Variants in PRKCQ observed in about 807,000 individuals in gnomAD.
PRKCQ encodes the protein protein kinase C theta.
A neutral mutation model predicts 91.2 loss-of-function variants in PRKCQ; 41 were observed. The observed-to-expected ratio is 0.45, with a 90% CI of 0.35 to 0.58. The LOEUF (loss-of-function observed/expected upper bound fraction) is 0.58, where lower values mean the gene tolerates loss of function less well. Among genes scored for constraint, PRKCQ ranks in the 20% least tolerant of loss-of-function variants. PRKCQ has a pLI of 0.00. For synonymous variants in PRKCQ, 307 were observed against 316.9 expected (o/e 0.97, Z 0.33); for missense variants, 673 against 896.5 (o/e 0.75, Z 3.18).
intron 2 of PRKCQ, among the ~76,000 whole-genome samples, chr10:6,511,639 A>T (rs908538502): frequency 6.6e-6 from 1 of 152,208 alleles, no homozygotes; most frequent in African/African-American, 2.4e-5. Context: ...ATAGCAGGGA[A>T]GAAATGTAAC....
At chr10:6,509,245 T>C (rs1405322180) in intron 3 of PRKCQ, among the ~76,000 whole-genome samples, 1 of 152,194 alleles carries the variant, frequency 6.6e-6, no homozygotes, top group Non-Finnish European at 1.5e-5. Flanking sequence ...AGAAATCATA[T>C]GCAACTTGAA....
At chr10:6,464,523 C>A in intron 12 of PRKCQ, 119 bp from the exon 13 acceptor site, 2 of 774,242 alleles carry the variant, frequency 2.6e-6, no homozygotes, top group Admixed American at 2.5e-5. Context: ...GATCTCGGGT[C>A]ACTGCAACCT....
chr10:6,436,388 C>A (rs377056691), intron 16 of PRKCQ, among the ~76,000 whole-genome samples: 1 of 152,162 alleles, frequency 6.6e-6, no homozygotes, highest in Non-Finnish European at 1.5e-5. Flanking sequence ...TTTCTCCCAA[C>A]GGTTCCATCC....
At chr10:6,396,827 T>C in the PRKCQ span, among the ~76,000 whole-genome samples, 4 of 152,254 alleles carry the variant, frequency 2.6e-5, no homozygotes, top group African/African-American at 7.2e-5. Context: ...CTAGGTCATA[T>C]GGTAACCATG....
intron 1 of PRKCQ, among the ~76,000 whole-genome samples, chr10:6,571,805 AAAAC>A (rs552943130): frequency 6.0e-4 from 92 of 152,258 alleles, no homozygotes; most frequent in African/African-American, 7.0e-4. Flanking sequence ...CCCTGCCTCA[AAAAC>A]AAACAAACAA....
intron 1 of PRKCQ, among the ~76,000 whole-genome samples, chr10:6,537,707 CAG>C (rs1468406969): frequency 6.6e-6 from 1 of 152,180 alleles, no homozygotes; most frequent in Admixed American, 6.5e-5. Flanking sequence ...GTCCTTGCTG[CAG>C]AGATATGATG....
chr10:6,568,115 G>A (rs1377640536), intron 1 of PRKCQ, among the ~76,000 whole-genome samples: 1 of 152,072 alleles, frequency 6.6e-6, no homozygotes, highest in Non-Finnish European at 1.5e-5. Flanking sequence ...CTGTGAGCCT[G>A]TAGTCTCAGC....
At chr10:6,413,204 G>A in the PRKCQ span, among the ~76,000 whole-genome samples, 59 of 152,094 alleles carry the variant, frequency 3.9e-4, 1 homozygote, top group Admixed American at 3.9e-3. Context: ...AGCCCGCCTA[G>A]GCCTCCCAAA....
chr10:6,512,759 G>T (rs1418522067), intron 2 of PRKCQ, among the ~76,000 whole-genome samples: 4 of 151,970 alleles, frequency 2.6e-5, no homozygotes, highest in South Asian at 2.1e-4. Context: ...TATTTCGGGG[G>T]TATACAAGGA....
chr10:6,468,272 A>C (rs1206634216), intron 12 of PRKCQ, among the ~76,000 whole-genome samples: 1 of 152,218 alleles, frequency 6.6e-6, no homozygotes, highest in African/African-American at 2.4e-5. Flanking sequence ...AAGTGGCCTC[A>C]AAAGTTATTT....
intron 16 of PRKCQ, among the ~76,000 whole-genome samples, chr10:6,437,647 T>C (rs1833766020): frequency 6.6e-6 from 1 of 151,100 alleles, no homozygotes; most frequent in Non-Finnish European, 1.5e-5. Flanking sequence ...TAACTTATTA[T>C]TTTTTTTATT....
chr10:6,399,060 A>G, the PRKCQ span, among the ~76,000 whole-genome samples: 4 of 152,284 alleles, frequency 2.6e-5, no homozygotes, highest in Admixed American at 2.6e-4. Context: ...CAATGATACA[A>G]TGATACAATG....
downstream of PRKCQ, among the ~76,000 whole-genome samples, chr10:6,422,390 C>CGG (rs1833027411): frequency 6.6e-6 from 1 of 152,080 alleles, no homozygotes; most frequent in Non-Finnish European, 1.5e-5. Flanking sequence ...TACACCACAT[C>CGG]GGGGGTGAGG....
At chr10:6,495,352 C>A (rs1200917705) in intron 7 of PRKCQ, among the ~76,000 whole-genome samples, 1 of 152,226 alleles carries the variant, frequency 6.6e-6, no homozygotes, top group Non-Finnish European at 1.5e-5. Flanking sequence ...CAGCTGTCAC[C>A]ACACTGGTCC....
chr10:6,551,809 G>T (rs987380838), intron 1 of PRKCQ, among the ~76,000 whole-genome samples: 2 of 152,202 alleles, frequency 1.3e-5, no homozygotes. Flanking sequence ...ATGATAGAAC[G>T]ATTTCTATTC....
At chr10:6,410,637 C>T in the PRKCQ span, among the ~76,000 whole-genome samples, 7 of 152,132 alleles carry the variant, frequency 4.6e-5, no homozygotes, top group African/African-American at 1.7e-4. Context: ...TGCTTGGGAG[C>T]CAGGTAGACA....
At chr10:6,425,731 G>A (rs1410946629), downstream of PRKCQ, among the ~76,000 whole-genome samples, 1 of 152,106 alleles carries the variant, frequency 6.6e-6, no homozygotes, top group Admixed American at 6.5e-5. Flanking sequence ...GAGGCAGGGG[G>A]ATCATTTGAG....
At chr10:6,436,446 T>C (rs1833698537) in intron 16 of PRKCQ, among the ~76,000 whole-genome samples, 1 of 152,220 alleles carries the variant, frequency 6.6e-6, no homozygotes, top group African/African-American at 2.4e-5. Context: ...ACCGTGTGTG[T>C]ATATACTACT....
the PRKCQ span, among the ~76,000 whole-genome samples, chr10:6,400,036 G>A: frequency 3.3e-5 from 5 of 152,324 alleles, no homozygotes; most frequent in Admixed American, 3.3e-4. Flanking sequence ...TGCACGGTTT[G>A]ACGCACGTCA....
Sources: gnomAD v4.1 joint callset for allele counts (sites outside exome capture counted in the v4.1 genomes callset) on GRCh38, gnomAD v4.1.1 for gene constraint, MANE v1.5 for transcripts, NCBI Gene and HGNC (gene_info 2026-07-23, HGNC 2026-07-21) for gene names.